Variants in BRAP observed in about 807,000 individuals in gnomAD.
BRAP encodes the protein BRCA1-associated protein.
A neutral mutation model predicts 73.4 loss-of-function variants in BRAP; 42 were observed. The ratio of observed to expected loss-of-function variants is 0.57; its 90% CI spans 0.45 to 0.74. BRAP has a LOEUF of 0.74. BRAP is among the 30% of genes least tolerant of loss of function. The pLI, the probability that BRAP is intolerant of heterozygous loss-of-function variation, is 0.00. For missense variants in BRAP, 593 were observed against 751.4 expected (o/e 0.79, Z 2.46); for synonymous variants, 255 against 267.4 (o/e 0.95, Z 0.45).
intron 6 of BRAP, among the ~76,000 whole-genome samples, chr12:111,664,912 T>G (rs1592982680): frequency 6.6e-6 from 1 of 152,204 alleles, no homozygotes; most frequent in East Asian, 1.9e-4. Context: ...TCAGTCCCAA[T>G]GCTGCACACT....
At chr12:111,676,677 A>G (rs1413798867) in intron 4 of BRAP, among the ~76,000 whole-genome samples, 1 of 152,118 alleles carries the variant, frequency 6.6e-6, no homozygotes. Flanking sequence ...GTCTCTCCCA[A>G]AGTGCTGGGA....
intron 4 of BRAP, among the ~76,000 whole-genome samples, chr12:111,674,031 T>C (rs550265475): frequency 1.3e-5 from 2 of 152,212 alleles, no homozygotes; most frequent in Non-Finnish European, 2.9e-5. Flanking sequence ...GCTTTGGCCC[T>C]ACCAACATTG....
At chr12:111,658,132 G>C (rs920182418) in intron 9 of BRAP, among the ~76,000 whole-genome samples, 6 of 151,844 alleles carry the variant, frequency 4.0e-5, no homozygotes, top group Admixed American at 3.3e-4. Flanking sequence ...GTTTCACCAT[G>C]TTGGCCAGGT....
chr12:111,681,934 T>C (rs926188004), intron 2 of BRAP, 99 bp from the exon 3 acceptor site: 4 of 1,137,396 alleles, frequency 3.5e-6, no homozygotes, highest in African/African-American at 1.6e-5. Context: ...TAAACTTTGA[T>C]AGAGTAATTA....
intron 5 of BRAP, among the ~76,000 whole-genome samples, chr12:111,668,807 C>G (rs1887056529): frequency 6.6e-6 from 1 of 152,088 alleles, no homozygotes; most frequent in African/African-American, 2.4e-5. Flanking sequence ...CAGGTGCCCA[C>G]CACAACGCCT....
In BRAP at chr12:111,679,318, C is replaced by A; in HGVS notation, c.466G>T (p.Asp156Tyr). 1 of 1,551,606 alleles carries A rather than the reference C, an allele frequency of 6.4e-7. No individual in the cohort carries two copies. The highest frequency in any genetic ancestry group is 8.7e-7 in the Non-Finnish European group (1 of 1,145,500). ...KTNKMTSLKE[D>Y]VRRSAMLCIL... ...CACAGCATGGCACTGCGCCGCACAT[C>A]TTCTTTTAAGGAGGTCATCTTACTA... Residue 156 changes from aspartate (D) to tyrosine (Y), a missense_variant, in exon 4 of 12, where the codon GAT becomes TAT. Physicochemically the swap from Asp to Tyr is radical, Grantham distance 160 (BLOSUM62 -3). This residue lies in a region of BRAP where 304 missense variants were observed against 337.7 expected (regional missense o/e 0.90). Coordinates refer to ENST00000419234, the MANE Select transcript of BRAP (RefSeq NM_006768.5).
chr12:111,680,885 G>A (rs543541546), intron 3 of BRAP, among the ~76,000 whole-genome samples: 5 of 152,060 alleles, frequency 3.3e-5, no homozygotes, highest in Non-Finnish European at 7.4e-5. Flanking sequence ...TCCTTTCCTT[G>A]GGGCTCTAGC....
At chr12:111,681,928 CTT>C (rs1887615771) in intron 2 of BRAP, 93 bp from the exon 3 acceptor site, 1 of 1,206,674 alleles carries the variant, frequency 8.3e-7, no homozygotes, top group African/African-American at 1.5e-5. Flanking sequence ...GAGGAATAAA[CTT>C]TGATAGAGTA....
At chr12:111,644,914 G>C (rs911909022) in intron 11 of BRAP, among the ~76,000 whole-genome samples, 1 of 151,636 alleles carries the variant, frequency 6.6e-6, no homozygotes, top group Admixed American at 6.6e-5. Context: ...CTGCCACTAT[G>C]CCTGGCTAAT....
At chr12:111,683,497 G>T (rs1351361363) in intron 1 of BRAP, among the ~76,000 whole-genome samples, 190 bp from the exon 2 acceptor site, 1 of 152,080 alleles carries the variant, frequency 6.6e-6, no homozygotes, top group Admixed American at 6.6e-5. Context: ...AAGCAGCCAG[G>T]ACAATATACT....
chr12:111,680,190 C>T (rs1887546953), intron 3 of BRAP, among the ~76,000 whole-genome samples: 2 of 151,446 alleles, frequency 1.3e-5, no homozygotes, highest in East Asian at 2.0e-4. Flanking sequence ...CTCCTGACCT[C>T]GTGATCCCCC....
chr12:111,678,549 C>T (rs1223187409), intron 4 of BRAP, among the ~76,000 whole-genome samples: 1 of 151,254 alleles, frequency 6.6e-6, no homozygotes, highest in African/African-American at 2.4e-5. Flanking sequence ...CCCAGCTACT[C>T]AGGAGGTTGA....
At chr12:111,683,352 C>T (rs779852816) in intron 1 of BRAP, 45 bp from the exon 2 acceptor site, 13 of 1,547,244 alleles carry the variant, frequency 8.4e-6, no homozygotes, top group South Asian at 2.4e-5. Flanking sequence ...AAAACAAGCT[C>T]CTCTCTGTTC....
intron 7 of BRAP, among the ~76,000 whole-genome samples, chr12:111,659,675 T>C (rs983091126): frequency 1.3e-5 from 2 of 150,272 alleles, no homozygotes; most frequent in Non-Finnish European, 3.0e-5. Context: ...AACAAACAAA[T>C]AATCGATCCA....
chr12:111,678,640 G>C (rs912116709), intron 4 of BRAP, among the ~76,000 whole-genome samples: 1 of 151,044 alleles, frequency 6.6e-6, no homozygotes, highest in African/African-American at 2.4e-5. Flanking sequence ...CTGGGCGACA[G>C]AGCGAGAATT....
intron 3 of BRAP, among the ~76,000 whole-genome samples, chr12:111,679,901 C>T (rs1440967489): frequency 7.3e-6 from 1 of 136,524 alleles, no homozygotes; most frequent in Non-Finnish European, 1.6e-5. Context: ...AAAAAAAAAT[C>T]TGTCACTGGT....
At chr12:111,685,683 G>A in intron 1 of BRAP, 28 bp downstream of exon 1, 3 of 1,593,652 alleles carry the variant, frequency 1.9e-6, no homozygotes, top group South Asian at 1.1e-5. Context: ...CCCGGCTACA[G>A]GGAATGCGGC....
At chr12:111,679,734 G>A (rs972697546) in intron 3 of BRAP, among the ~76,000 whole-genome samples, 11 of 151,614 alleles carry the variant, frequency 7.3e-5, no homozygotes, top group Admixed American at 1.3e-4. Flanking sequence ...AAAATTAGCC[G>A]GGCATGGTGG....
intron 11 of BRAP, among the ~76,000 whole-genome samples, chr12:111,648,192 G>A (rs112638071): frequency 7.3e-5 from 11 of 151,198 alleles, no homozygotes; most frequent in African/African-American, 2.7e-4. Flanking sequence ...TAGCTACTCG[G>A]GAGGCTGAGG....
Sources: gnomAD v4.1 joint callset for allele counts (sites outside exome capture counted in the v4.1 genomes callset) on GRCh38, gnomAD v4.1.1 for gene constraint, gnomAD v4.1.1 regional missense constraint, MANE v1.5 for transcripts, NCBI Gene and HGNC (gene_info 2026-07-23, HGNC 2026-07-21) for gene names.